The following CLSTN2 variants were observed in gnomAD, a reference collection of about 807,000 sequenced individuals.
CLSTN2 encodes calsyntenin-2.
Under a neutral mutation model 101.2 loss-of-function variants are expected in CLSTN2, and 48 were observed. The ratio of observed to expected loss-of-function variants is 0.47; its 90% CI spans 0.38 to 0.60. The LOEUF (loss-of-function observed/expected upper bound fraction) is 0.60. Among genes scored for constraint, CLSTN2 ranks in the 20% least tolerant of loss-of-function variants. The pLI is 0.00. For synonymous variants in CLSTN2, 481 were observed against 463.6 expected (o/e 1.04, Z -0.48); for missense variants, 1,160 against 1,238.2 (o/e 0.94, Z 0.95).
At chr3:140,460,603 A>T (rs1933536220) in intron 7 of CLSTN2, among the ~76,000 whole-genome samples, 2 of 152,168 alleles carry the variant, frequency 1.3e-5, no homozygotes, top group Non-Finnish European at 2.9e-5. Context: ...AGGTTGACTA[A>T]CTTGTCACAA....
chr3:140,153,623 A>T (rs2009904146), intron 1 of CLSTN2, among the ~76,000 whole-genome samples: 1 of 152,180 alleles, frequency 6.6e-6, no homozygotes, highest in Non-Finnish European at 1.5e-5. Context: ...TCAAATTGTT[A>T]CCTCACCTCT....
intron 5 of CLSTN2, among the ~76,000 whole-genome samples, chr3:140,421,668 A>G (rs1414575156): frequency 6.6e-6 from 1 of 152,158 alleles, no homozygotes; most frequent in Non-Finnish European, 1.5e-5. Context: ...GAAAGTCGCC[A>G]TGTTCTTTGT....
chr3:140,240,203 C>T (rs372142456), intron 2 of CLSTN2, among the ~76,000 whole-genome samples: 12,265 of 24,254 alleles, frequency 0.51, 3,822 homozygotes, highest in Non-Finnish European at 0.72. Flanking sequence ...TATATATACA[C>T]ACACACACAC....
chr3:140,451,837 A>G (rs1229438972), intron 6 of CLSTN2, among the ~76,000 whole-genome samples: 1 of 152,200 alleles, frequency 6.6e-6, no homozygotes, highest in East Asian at 1.9e-4. Context: ...TGCCATGACC[A>G]TTTAAGCCTC....
At chr3:140,341,614 G>C (rs1314276666) in intron 2 of CLSTN2, among the ~76,000 whole-genome samples, 2 of 152,156 alleles carry the variant, frequency 1.3e-5, no homozygotes, top group African/African-American at 4.8e-5. Context: ...GAGGACAGTC[G>C]GCTTACACCT....
At chr3:140,312,406 C>CT (rs1030493282) in intron 2 of CLSTN2, among the ~76,000 whole-genome samples, 4 of 152,200 alleles carry the variant, frequency 2.6e-5, no homozygotes, top group East Asian at 1.9e-4. Flanking sequence ...TCTGAGGAAT[C>CT]TTTTTTCTCT....
intron 1 of CLSTN2, among the ~76,000 whole-genome samples, chr3:140,163,654 GAGA>G (rs910282707): frequency 2.6e-5 from 4 of 151,262 alleles, no homozygotes; most frequent in African/African-American, 9.7e-5. Flanking sequence ...TTCTTGTGGG[GAGA>G]AGGATGACCA....
intron 1 of CLSTN2, among the ~76,000 whole-genome samples, chr3:140,119,958 C>T (rs2009311411): frequency 6.6e-6 from 1 of 152,182 alleles, no homozygotes. Flanking sequence ...GAAAAACTCT[C>T]TCCAGCCACG....
intron 2 of CLSTN2, among the ~76,000 whole-genome samples, chr3:140,295,328 G>T (rs2086993112): frequency 2.6e-5 from 4 of 152,082 alleles, no homozygotes. Flanking sequence ...TGTATAGTGG[G>T]TATTTCAGCC....
chr3:140,041,712 A>G (rs1399281430), intron 1 of CLSTN2, among the ~76,000 whole-genome samples: 2 of 152,144 alleles, frequency 1.3e-5, no homozygotes, highest in African/African-American at 2.4e-5. Context: ...ACCGACTCCT[A>G]TGAAGCTTTA....
intron 2 of CLSTN2, among the ~76,000 whole-genome samples, chr3:140,364,254 C>T (rs1010029512): frequency 1.3e-5 from 2 of 152,094 alleles, no homozygotes; most frequent in African/African-American, 4.8e-5. Flanking sequence ...CTGGAGGGGA[C>T]CCTGGAGGTC....
rs1025340541 is a variant in CLSTN2 at position 140,279,748 on chromosome 3, G to T, written c.232+103675G>T. ...AAGTTACTGCCAAATGAAAAATAAA[G>T]AAAGAAAGAAATGGGCCAATAGCTC... On this transcript the variant is annotated intron_variant, in intron 2 of 16. Transcript: ENST00000458420. Among the ~76,000 whole-genome samples, 3 of 152,258 alleles carry T rather than the reference G, an allele frequency of 2.0e-5. No individual in the cohort carries two copies. The South Asian group carries it at 6.2e-4, about 32-fold the overall frequency.
In CLSTN2 at chr3:140,263,207, CA is replaced by C. The variant is rs1392617266; in HGVS notation, c.232+87138del. ...AGGATATATGATGGTCAAGTACTGA[CA>C]AAACCTCCAGTTGCAGAAACAACTG... On this transcript the variant is annotated intron_variant, in intron 2 of 16. Transcript: ENST00000458420. Among the ~76,000 whole-genome samples the C allele has an allele frequency of 3.3e-5, 5 of 152,262 alleles. No individual in the cohort carries two copies. The South Asian group carries it at 6.2e-4, about 19-fold the overall frequency.
chr3:140,287,084 G>A (rs1010827803), intron 2 of CLSTN2, among the ~76,000 whole-genome samples: 2 of 152,110 alleles, frequency 1.3e-5, no homozygotes, highest in Non-Finnish European at 2.9e-5. Context: ...AGGTTTCTGA[G>A]GATTAGAAAC....
chr3:140,251,258 G>A (rs1487457157), intron 2 of CLSTN2, among the ~76,000 whole-genome samples: 1 of 152,108 alleles, frequency 6.6e-6, no homozygotes, highest in Non-Finnish European at 1.5e-5. Context: ...TCTCTTCTGT[G>A]GCAAGGCAAT....
chr3:140,314,823 C>G (rs1368581143), intron 2 of CLSTN2, among the ~76,000 whole-genome samples: 4 of 152,054 alleles, frequency 2.6e-5, no homozygotes, highest in Non-Finnish European at 4.4e-5. Flanking sequence ...TTAGTGGTGG[C>G]CTGGCTCCTG....
chr3:140,083,331 G>A (rs975037735), intron 1 of CLSTN2, among the ~76,000 whole-genome samples: 1 of 152,160 alleles, frequency 6.6e-6, no homozygotes, highest in African/African-American at 2.4e-5. Flanking sequence ...CTGGTAACTT[G>A]ATAGCCCAAA....
chr3:140,334,077 C>T (rs1276926522), intron 2 of CLSTN2, among the ~76,000 whole-genome samples: 2 of 152,134 alleles, frequency 1.3e-5, no homozygotes, highest in African/African-American at 4.8e-5. Context: ...TCCATGCGAC[C>T]TTGGATATAG....
intron 2 of CLSTN2, among the ~76,000 whole-genome samples, chr3:140,219,290 T>C (rs1234116203): frequency 1.3e-5 from 2 of 152,024 alleles, no homozygotes; most frequent in Non-Finnish European, 2.9e-5. Context: ...GTTTCTCATC[T>C]TATCAAAGAC....
Sources: gnomAD v4.1 joint callset for allele counts (sites outside exome capture counted in the v4.1 genomes callset) on GRCh38, gnomAD v4.1.1 for gene constraint, MANE v1.5 for transcripts, NCBI Gene and HGNC (gene_info 2026-07-23, HGNC 2026-07-21) for gene names.